The following ZC3HAV1 variants were observed in gnomAD, a reference collection of about 807,000 sequenced individuals.
The protein encoded by ZC3HAV1 is zinc finger CCCH-type antiviral protein 1.
In ZC3HAV1, 41 loss-of-function variants were observed where a neutral mutation model predicts 86.6. The observed-to-expected ratio is 0.47, with a 90% confidence interval of 0.37 to 0.61. The LOEUF (loss-of-function observed/expected upper bound fraction) is 0.61, where lower values mean the gene tolerates loss of function less well. ZC3HAV1 is among the 20% of genes least tolerant of loss of function. The probability of loss-of-function intolerance (pLI) is 0.00; values close to 1 mark genes in which losing one functional copy is unlikely to be tolerated. For missense variants in ZC3HAV1, 964 were observed against 1,141.1 expected (o/e 0.84, Z 2.24); for synonymous variants, 421 against 432.1 (o/e 0.97, Z 0.32).
rs1024375553 is a variant in ZC3HAV1 at position 139,109,634 on chromosome 7, G to A, written c.-303C>T. The A allele has an allele frequency of 9.4e-6, 3 of 319,410 alleles. No individual in the cohort carries two copies. Among genetic ancestry groups the A allele is most frequent in the East Asian group, 1.1e-4 (2 of 17,640 alleles). The allele number at this position is 319,410 out of a possible 1,614,324, so 19.8% of individuals were successfully genotyped here. ...AATCTGCTGGTGACCGCCTGGGGTG[G>A]CCCCCTCTCGGTTCTAGGCTCGGCG... is the stretch of plus-strand genomic sequence containing the variant. On this transcript the variant is annotated 5_prime_UTR_variant, in exon 1 of 13. Transcript: ENST00000242351.
intron 3 of ZC3HAV1, among the ~76,000 whole-genome samples, chr7:139,081,922 A>G (rs1817137607): frequency 6.6e-6 from 1 of 152,214 alleles, no homozygotes; most frequent in Non-Finnish European, 1.5e-5. Context: ...TCCACTTCAT[A>G]AAGACATTAA....
chr7:139,053,582 C>A lies in ZC3HAV1; in HGVS notation c.2319-1G>T. On this transcript the variant is annotated splice_acceptor_variant, in intron 11 of 12. Coordinates refer to ENST00000242351, the MANE Select transcript of ZC3HAV1 (RefSeq NM_020119.4). LOFTEE classifies it high-confidence loss of function. ...TTCTTCCTTCATCTGCGATTTCTTC[C>A]TAATATAAGAGATGTGAGACTTAAC... is the stretch of plus-strand genomic sequence containing the variant. 1 of 1,590,858 alleles carries A rather than the reference C, an allele frequency of 6.3e-7. No individual in the cohort carries two copies. The highest frequency in any genetic ancestry group is 8.5e-7 in the Non-Finnish European group (1 of 1,170,782).
chr7:139,106,848 C>T (rs974021037), intron 1 of ZC3HAV1, among the ~76,000 whole-genome samples: 2 of 121,648 alleles, frequency 1.6e-5, no homozygotes, highest in African/African-American at 5.1e-5. Context: ...CTGAGATTTG[C>T]TTTAAAATAA....
chr7:139,074,166 A>C, intron 6 of ZC3HAV1, 136 bp from the exon 7 acceptor site: 1 of 769,222 alleles, frequency 1.3e-6, no homozygotes, highest in East Asian at 3.1e-5. Flanking sequence ...CCATGGCTCC[A>C]GGTCCTACAC....
intron 12 of ZC3HAV1, among the ~76,000 whole-genome samples, chr7:139,049,298 G>C (rs1034652567): frequency 1.3e-5 from 2 of 151,924 alleles, no homozygotes; most frequent in Non-Finnish European, 2.9e-5. Flanking sequence ...CGAGGCAACA[G>C]CTCATTGTGG....
rs1815948606 is a variant in ZC3HAV1 at position 139,046,076 on chromosome 7, C to G, written c.*1518G>C. On this transcript the variant is annotated 3_prime_UTR_variant, in exon 13 of 13. Transcript: ENST00000242351. ...AAATTATAACAGGAAACTTTGGTGA[C>G]TGGTAAGGAATGTTGAAAAGGGAAA... 6.6e-6 allele frequency: 1 copy of G among 151,648 alleles called. No individual in the cohort carries two copies. Among genetic ancestry groups the G allele is most frequent in the Non-Finnish European group, 1.5e-5 (1 of 67,960 alleles). 9.4% of individuals were successfully genotyped at this position (151,648 alleles called of 1,614,324 possible). A position where few individuals can be genotyped will look rare whatever the true frequency, so the allele number is the denominator to read the frequency against.
rs79408017 is a variant in ZC3HAV1, at chr7:139,074,054, A to G, written c.1698-24T>C. 5,028 of 1,596,728 alleles carry G rather than the reference A, an allele frequency of 3.1e-3. 129 individuals carry two copies. In the African/African-American group the frequency reaches 0.059, roughly 19 times the overall value. Reference sequence around the variant, plus strand: ...AGCTGAGAGAGAAAAGTATTAAGTTAACATAATGCTTCATTGACCCCTGTT... The same window carrying G: ...AGCTGAGAGAGAAAAGTATTAAGTTGACATAATGCTTCATTGACCCCTGTT... On this transcript the variant is annotated intron_variant, in intron 6 of 12. Transcript: ENST00000242351.
chr7:139,047,883 A>G (rs1486060093), intron 12 of ZC3HAV1, 30 bp from the exon 13 acceptor site: 1 of 1,594,688 alleles, frequency 6.3e-7, no homozygotes, highest in Non-Finnish European at 8.5e-7. Flanking sequence ...AAAGTTAAGA[A>G]ATATTATAAA....
intron 5 of ZC3HAV1, among the ~76,000 whole-genome samples, chr7:139,077,099 C>A (rs1816974790): frequency 1.3e-5 from 2 of 152,196 alleles, no homozygotes; most frequent in South Asian, 4.1e-4. Flanking sequence ...CAGAAAGATT[C>A]TCTTAACGAA....
Position 139,079,453 on chromosome 7 carries a change from CT to C in ZC3HAV1, c.1471+16del. The C allele has an allele frequency of 6.2e-7, 1 of 1,614,094 alleles. No homozygotes were observed. ...GAACAAATGTACTAGCCCAAAGTGT[CT>C]TCCCTTTGTATTTACCGTTAACAAG... On this transcript the variant is annotated intron_variant, in intron 4 of 12. Transcript: ENST00000242351.
In ZC3HAV1 at chr7:139,080,247, AG is replaced by A. The variant is rs1817090425; in HGVS notation, c.698-5del. 6.2e-7 allele frequency: 1 copy of A among 1,612,958 alleles called. No individual in the cohort carries two copies. Among genetic ancestry groups the A allele is most frequent in the Non-Finnish European group, 8.5e-7 (1 of 1,180,008 alleles). ...TTTCTACGATGTGAAGAAGGAGCTAAGGGGAAAAAAAGCCAAAATGAAACAA... is the reference window on the plus strand; with the variant it reads ...TTTCTACGATGTGAAGAAGGAGCTAAGGGAAAAAAAGCCAAAATGAAACAA... On this transcript the variant is annotated splice_region_variant and splice_polypyrimidine_tract_variant and intron_variant, in intron 3 of 12. Transcript: ENST00000242351.
chr7:139,101,268 G>A (rs1173527537), intron 1 of ZC3HAV1, among the ~76,000 whole-genome samples: 1 of 151,088 alleles, frequency 6.6e-6, no homozygotes. Context: ...CCGCCACCCC[G>A]TCTGGGAAGT....
rs901272075 is a variant in ZC3HAV1 at position 139,076,365 on chromosome 7, T to C, written c.1618A>G (p.Met540Val). ...VHFHLPYRWQ[M>V]LIGKTWTDFE... ...TCCGTCCAGGTTTTACCAATAAGCA[T>C]CTGCCACCGGTAAGGCAGATGGAAG... is the stretch of plus-strand genomic sequence containing the variant. Residue 540 changes from methionine (M) to valine (V), a missense_variant, in exon 6 of 13, where the codon ATG (methionine) becomes GTG (valine). Coordinates refer to ENST00000242351, the MANE Select transcript of ZC3HAV1 (RefSeq NM_020119.4). 5.6e-6 allele frequency: 9 copies of C among 1,613,990 alleles called. No individual in the cohort carries two copies. The highest frequency in any genetic ancestry group is 1.1e-5 in the South Asian group (1 of 91,080).
chr7:139,074,099 C>T, intron 6 of ZC3HAV1, 69 bp from the exon 7 acceptor site: 1 of 1,443,104 alleles, frequency 6.9e-7, no homozygotes, highest in Admixed American at 2.0e-5. Flanking sequence ...CTCGTCTTCC[C>T]TAATGAGAGC....
intron 3 of ZC3HAV1, among the ~76,000 whole-genome samples, chr7:139,082,744 G>A (rs749333908): frequency 2.6e-5 from 4 of 152,140 alleles, no homozygotes; most frequent in East Asian, 1.9e-4. Flanking sequence ...AATATTGTAC[G>A]ATTCCACTTA....
At chr7:139,065,139 AG>A in intron 7 of ZC3HAV1, 140 bp from the exon 8 acceptor site, 1 of 1,127,636 alleles carries the variant, frequency 8.9e-7, no homozygotes, top group Non-Finnish European at 1.2e-6. Flanking sequence ...CTTCCAGCTC[AG>A]GGCTATGTCA....
intron 5 of ZC3HAV1, 61 bp downstream of exon 5, chr7:139,078,491 G>T: frequency 8.0e-7 from 1 of 1,243,390 alleles, no homozygotes; most frequent in Non-Finnish European, 1.1e-6. Context: ...CATGTTCATA[G>T]CAGTGTTATT....
intron 6 of ZC3HAV1, among the ~76,000 whole-genome samples, chr7:139,075,735 C>T (rs945671598): frequency 1.2e-4 from 18 of 147,240 alleles, no homozygotes; most frequent in Admixed American, 5.4e-4. Flanking sequence ...CAACCACGCT[C>T]GGCCAGAAGC....
chr7:139,090,890 G>A (rs979213226), intron 1 of ZC3HAV1, among the ~76,000 whole-genome samples: 2 of 152,130 alleles, frequency 1.3e-5, no homozygotes, highest in African/African-American at 2.4e-5. Flanking sequence ...ACCAGGAGCC[G>A]AGACCTTGAA....
Sources: gnomAD v4.1 joint callset for allele counts (sites outside exome capture counted in the v4.1 genomes callset) on GRCh38, gnomAD v4.1.1 for gene constraint, MANE v1.5 for transcripts, NCBI Gene and HGNC (gene_info 2026-07-23, HGNC 2026-07-21) for gene names.